The following SPDEF variants were observed in gnomAD, a reference collection of about 807,000 sequenced individuals.
The protein encoded by SPDEF is SAM pointed domain containing ETS transcription factor.
In SPDEF, 12 loss-of-function variants were observed where a neutral mutation model predicts 36.0. The ratio of observed to expected loss-of-function variants is 0.33; its 90% CI spans 0.21 to 0.54. The LOEUF is 0.54. Among genes scored for constraint, SPDEF ranks in the 20% least tolerant of loss-of-function variants. SPDEF has a pLI of 0.93. For missense variants in SPDEF, 388 were observed against 456.9 expected (o/e 0.85, Z 1.37); for synonymous variants, 205 against 193.0 (o/e 1.06, Z -0.51).
chr6:34,544,425 C>T lies in SPDEF; in HGVS notation c.31G>A (p.Val11Ile), dbSNP rs200724717. 425 of 1,578,258 alleles carry T rather than the reference C, an allele frequency of 2.7e-4. 1 individual carries two copies. The highest frequency in any genetic ancestry group is 3.5e-4 in the Non-Finnish European group (402 of 1,160,266). Residue 11 changes from valine (V) to isoleucine (I), a missense_variant, in exon 2 of 6, where the codon GTA becomes ATA. By Grantham distance (29) the Val-to-Ile change is conservative. This residue lies in a region of SPDEF where 308 missense variants were observed against 326.1 expected (regional missense o/e 0.94). Transcript: ENST00000374037. This position sits in a 1 kb window ranked among gnomAD's most constrained non-coding sequence, Gnocchi z 4.4. MGSASPGLSS[V>I]SPSHLLLPPD... is the part of the protein sequence containing the mutation. ...GGCAGCAGGAGGTGGCTGGGGGATA[C>T]GCTGCTCAGACCCGGGCTGGCGCTG...
At chr6:34,551,545 C>T (rs951626010) in intron 1 of SPDEF, among the ~76,000 whole-genome samples, 5 of 152,198 alleles carry the variant, frequency 3.3e-5, no homozygotes, top group East Asian at 1.9e-4. Flanking sequence ...CCATGACCCT[C>T]ATCTTGCCAT....
chr6:34,546,749 C>T (rs75081988), intron 1 of SPDEF, among the ~76,000 whole-genome samples: 7,552 of 146,574 alleles, frequency 0.052, 540 homozygotes, highest in African/African-American at 0.16. Context: ...CATTCAAGGG[C>T]TCCTTTAAGT....
In SPDEF at chr6:34,555,071, C is replaced by T. The variant is rs1235030390; in HGVS notation, c.-30+858G>A. Among the ~76,000 whole-genome samples the T allele has an allele frequency of 6.6e-6, 1 of 151,874 alleles. No homozygotes were observed. Among genetic ancestry groups the T allele is most frequent in the Non-Finnish European group, 1.5e-5 (1 of 67,942 alleles). ...ATGCACACACACGCACACACACATG[C>T]ACATGCAACACGCACGCGCACATGC... On this transcript the variant is annotated intron_variant, in intron 1 of 5. Transcript: ENST00000374037. This position sits in a 1 kb window ranked among gnomAD's most constrained non-coding sequence, Gnocchi z 5.2.
In SPDEF at chr6:34,541,092, G is replaced by A. The variant is rs1767812022; in HGVS notation, c.526C>T (p.Gln176Ter). Reference protein sequence around the residue: ...YRLPPMGKAFQELAGKELCAM... With the variant: ...YRLPPMGKAF ...CACAGCTCCTTGCCCGCCAGCTCCT[G>A]GAAGGCCTTGCCCATGGGGGGCAGC... is the stretch of plus-strand genomic sequence containing the variant. Residue 176 changes from glutamine (Q) to a stop codon, truncating the protein, a stop_gained, in exon 3 of 6, where the codon CAG becomes TAG. Coordinates refer to ENST00000374037, the MANE Select transcript of SPDEF (RefSeq NM_012391.3). LOFTEE classifies it high-confidence loss of function. 2 of 1,611,334 alleles carry A rather than the reference G, an allele frequency of 1.2e-6. No homozygotes were observed. Among genetic ancestry groups the A allele is most frequent in the African/African-American group, 1.3e-5 (1 of 74,902 alleles).
Position 34,544,059 on chromosome 6 carries a change from C to T in SPDEF, c.397G>A (p.Asp133Asn), listed in dbSNP as rs775855317. ...QSMVVGEVLKDIETACKLLNI... is the reference protein window; with the variant it reads ...QSMVVGEVLKNIETACKLLNI... Reference sequence around the variant, plus strand: ...AGCAGCTTGCAGGCCGTCTCGATGTCCTTGAGCACTTCGCCCACCACCATG... The same window carrying T: ...AGCAGCTTGCAGGCCGTCTCGATGTTCTTGAGCACTTCGCCCACCACCATG... The change falls in exon 2 of 6, where the codon GAC becomes AAC. Residue 133 changes from aspartate to asparagine, a missense_variant. Physicochemically the swap from Asp to Asn is conservative, Grantham distance 23 (BLOSUM62 1). Transcript: ENST00000374037. This position sits in a 1 kb window ranked among gnomAD's most constrained non-coding sequence, Gnocchi z 4.4. 3 of 1,613,086 alleles carry T rather than the reference C, an allele frequency of 1.9e-6. No homozygotes were observed. The highest frequency in any genetic ancestry group is 2.5e-6 in the Non-Finnish European group (3 of 1,179,692).
intron 3 of SPDEF, 47 bp downstream of exon 3, chr6:34,540,937 T>A: frequency 6.4e-7 from 1 of 1,570,328 alleles, no homozygotes; most frequent in Middle Eastern, 2.3e-4. Context: ...ATCCTGTCCC[T>A]GGCTTGGAGC....
intron 1 of SPDEF, among the ~76,000 whole-genome samples, chr6:34,547,016 C>T (rs1300789587): frequency 6.6e-6 from 1 of 150,774 alleles, no homozygotes; most frequent in Non-Finnish European, 1.5e-5. Context: ...CCCCCCACCC[C>T]TCCTTCATCA....
In SPDEF at chr6:34,539,636, G is replaced by T; in HGVS notation, c.635-74C>A. The T allele has an allele frequency of 6.7e-7, 1 of 1,501,764 alleles. No individual in the cohort carries two copies. Among genetic ancestry groups the T allele is most frequent in the South Asian group, 1.2e-5 (1 of 83,018 alleles). 93.0% of individuals were successfully genotyped at this position (1,501,764 alleles called of 1,614,324 possible). A position where few individuals can be genotyped will look rare whatever the true frequency, so the allele number is the denominator to read the frequency against. ...TGGAGGAGGGGAGGCGTTTGGGTGG[G>T]ACTGTGGGGCCACAGGAGCCCCTCT... On this transcript the variant is annotated intron_variant, in intron 3 of 5. Coordinates refer to ENST00000374037, the MANE Select transcript of SPDEF (RefSeq NM_012391.3). This position sits in a 1 kb window ranked among gnomAD's most constrained non-coding sequence, Gnocchi z 5.2.
At position 34,539,345 on chromosome 6, in the gene SPDEF, G is replaced by A. The variant is rs180755488; in HGVS notation, c.734C>T (p.Ser245Phe). Residue 245 changes from serine to phenylalanine, a missense_variant, in exon 5 of 6, where the codon TCC becomes TTC. Coordinates refer to ENST00000374037, the MANE Select transcript of SPDEF (RefSeq NM_012391.3). This position sits in a 1 kb window ranked among gnomAD's most constrained non-coding sequence, Gnocchi z 5.2. ...CTGCCACAGGTGGATGGGCTGCCCG[G>A]AGCATGATGAGTCCACCTCGCTGTC... ...WTDSEVDSSC[S>F]GQPIHLWQFL... 1.3e-5 allele frequency: 21 copies of A among 1,613,926 alleles called. No individual in the cohort carries two copies. In the South Asian group the frequency reaches 1.6e-4, roughly 13 times the overall value.
chr6:34,546,295 C>T (rs934565882), intron 1 of SPDEF, among the ~76,000 whole-genome samples: 3 of 152,072 alleles, frequency 2.0e-5, no homozygotes, highest in Non-Finnish European at 4.4e-5. Context: ...AGGTAACTGG[C>T]CAGTTGGGGG....
intron 2 of SPDEF, among the ~76,000 whole-genome samples, chr6:34,542,513 T>A (rs1304751221): frequency 6.6e-6 from 1 of 152,228 alleles, no homozygotes; most frequent in Non-Finnish European, 1.5e-5. Context: ...TCACTCACTA[T>A]CATGTCAGCC....
rs941549548 is a variant in SPDEF at position 34,539,024 on chromosome 6, T to C, written c.829+226A>G. ...GCTCGTTCCAGGTGCTGTGCAGTACTAAAACTCCTAAGTGAGACAGAGTCT... is the reference window on the plus strand; with the variant it reads ...GCTCGTTCCAGGTGCTGTGCAGTACCAAAACTCCTAAGTGAGACAGAGTCT... On this transcript the variant is annotated intron_variant, in intron 5 of 5. Coordinates refer to ENST00000374037, the MANE Select transcript of SPDEF (RefSeq NM_012391.3). The surrounding 1 kb of genome is among the most constrained non-coding windows in gnomAD (Gnocchi z 5.2). Among the ~76,000 whole-genome samples the C allele has an allele frequency of 6.6e-6, 1 of 152,198 alleles. No homozygotes were observed.
At chr6:34,550,445 C>T (rs1261099109) in intron 1 of SPDEF, among the ~76,000 whole-genome samples, 1 of 152,178 alleles carries the variant, frequency 6.6e-6, no homozygotes, top group Non-Finnish European at 1.5e-5. Flanking sequence ...CTCAAGCACC[C>T]CATTGTGGCC....
At chr6:34,551,936 T>G (rs1419227338) in intron 1 of SPDEF, among the ~76,000 whole-genome samples, 1 of 152,188 alleles carries the variant, frequency 6.6e-6, no homozygotes, top group African/African-American at 2.4e-5. Context: ...CCGCTCAACC[T>G]TCAGGGCTTT....
In SPDEF at chr6:34,544,471, G is replaced by T. The variant is rs1447662103; in HGVS notation, c.-16C>A. 1 of 1,522,596 alleles carries T rather than the reference G, an allele frequency of 6.6e-7. No individual in the cohort carries two copies. Among genetic ancestry groups the T allele is most frequent in the Non-Finnish European group, 8.8e-7 (1 of 1,136,936 alleles). 94.3% of individuals were successfully genotyped at this position (1,522,596 alleles called of 1,614,324 possible). ...CGCTGCCCATGCCGCTGCTGTTTGG[G>T]CTGGCGGCTGTGTCTACGGAAATGA... On this transcript the variant is annotated 5_prime_UTR_variant, in exon 2 of 6. Transcript: ENST00000374037. This position sits in a 1 kb window ranked among gnomAD's most constrained non-coding sequence, Gnocchi z 4.4.
In SPDEF at chr6:34,539,522, G is replaced by A. The variant is rs201936082; in HGVS notation, c.675C>T (p.His225=). 5.7e-6 allele frequency: 9 copies of A among 1,576,346 alleles called. No homozygotes were observed. The highest frequency in any genetic ancestry group is 7.7e-6 in the Non-Finnish European group (9 of 1,161,854). ...TGCCGCTGCCTGGCTCACCACAGTA[G>A]TGAATCGCCCCAGGTGAAGTCCGCT... ...MKERTSPGAI[H]YCASTSEESW... The change falls in exon 4 of 6, where the codon CAC becomes CAT. Residue 225 remains histidine (H), a synonymous_variant. Coordinates refer to ENST00000374037, the MANE Select transcript of SPDEF (RefSeq NM_012391.3). This position sits in a 1 kb window ranked among gnomAD's most constrained non-coding sequence, Gnocchi z 5.2.
chr6:34,543,950 G>A (rs1364289484), intron 2 of SPDEF, 70 bp downstream of exon 2: 39 of 1,515,416 alleles, frequency 2.6e-5, no homozygotes, highest in East Asian at 2.3e-4. Flanking sequence ...GCAGTGCCCC[G>A]ACCCACCCCA....
intron 1 of SPDEF, among the ~76,000 whole-genome samples, chr6:34,549,159 G>C (rs1023553645): frequency 7.2e-5 from 11 of 152,088 alleles, no homozygotes; most frequent in Non-Finnish European, 1.6e-4. Context: ...ATCTCTTCTG[G>C]ATTAAGCCAC....
At chr6:34,550,787 C>T (rs925895883) in intron 1 of SPDEF, among the ~76,000 whole-genome samples, 4 of 152,066 alleles carry the variant, frequency 2.6e-5, no homozygotes, top group African/African-American at 9.7e-5. Flanking sequence ...GGCGGGGCCA[C>T]GTAGCAGGAA....
Sources: gnomAD v4.1 joint callset for allele counts (sites outside exome capture counted in the v4.1 genomes callset) on GRCh38, gnomAD v4.1.1 for gene constraint, gnomAD v4.1.1 regional missense constraint, Gnocchi (gnomAD v3.1) non-coding constraint, MANE v1.5 for transcripts, NCBI Gene and HGNC (gene_info 2026-07-23, HGNC 2026-07-21) for gene names.